MDGA2: variants seen among roughly 807,000 people sequenced by gnomAD.
MDGA2 encodes the protein MAM domain-containing glycosylphosphatidylinositol anchor protein 2.
In MDGA2, 40 loss-of-function variants were observed where a neutral mutation model predicts 117.8. That is an observed-to-expected ratio of 0.34 (90% CI 0.26 to 0.44). MDGA2 has a LOEUF of 0.44. Ranked by LOEUF, MDGA2 falls within the 20% of genes least tolerant of loss-of-function variation. The pLI is 1.00. For synonymous variants in MDGA2, 452 were observed against 439.0 expected (o/e 1.03, Z -0.37); for missense variants, 1,123 against 1,250.6 (o/e 0.90, Z 1.54).
At chr14:47,531,223 C>T (rs1487611083) in intron 1 of MDGA2, among the ~76,000 whole-genome samples, 8 of 152,046 alleles carry the variant, frequency 5.3e-5, no homozygotes, top group East Asian at 1.9e-4. Context: ...CCAGCCTGGG[C>T]GACAGAGCGA....
intron 3 of MDGA2, among the ~76,000 whole-genome samples, chr14:47,216,343 G>T (rs917803759): frequency 1.3e-5 from 2 of 152,034 alleles, no homozygotes; most frequent in South Asian, 4.1e-4. Flanking sequence ...GAAATTTTCA[G>T]ATTTTAGAAA....
At chr14:47,024,477 T>C (rs1410299015) in intron 8 of MDGA2, among the ~76,000 whole-genome samples, 2 of 152,196 alleles carry the variant, frequency 1.3e-5, no homozygotes, top group African/African-American at 2.4e-5. Flanking sequence ...TAAGAATGAA[T>C]ACTTCCTGTT....
At chr14:47,647,315 C>G (rs1259139676) in intron 1 of MDGA2, among the ~76,000 whole-genome samples, 5 of 152,010 alleles carry the variant, frequency 3.3e-5, no homozygotes, top group Non-Finnish European at 7.4e-5. Flanking sequence ...CACACATGGC[C>G]TATTTCAAAT....
chr14:47,237,905 C>G (rs1389257451), intron 2 of MDGA2, among the ~76,000 whole-genome samples: 1 of 152,160 alleles, frequency 6.6e-6, no homozygotes, highest in African/African-American at 2.4e-5. Flanking sequence ...CCTGTTAAAA[C>G]ACAAGTCACA....
At chr14:47,061,693 T>C (rs776344052) in intron 6 of MDGA2, 115 bp from the exon 7 acceptor site, 4 of 849,148 alleles carry the variant, frequency 4.7e-6, no homozygotes, top group Admixed American at 3.1e-5. Flanking sequence ...AAAGTGTACA[T>C]ATATTTCTTT....
intron 8 of MDGA2, among the ~76,000 whole-genome samples, chr14:46,965,899 C>T (rs2138303127): frequency 6.6e-6 from 1 of 152,170 alleles, no homozygotes; most frequent in African/African-American, 2.4e-5. Context: ...TGAGAAAAAT[C>T]TACTTAGCAT....
intron 1 of MDGA2, among the ~76,000 whole-genome samples, chr14:47,320,495 G>T (rs1037318106): frequency 1.3e-5 from 2 of 152,070 alleles, no homozygotes; most frequent in African/African-American, 4.8e-5. Context: ...GATAGCATCC[G>T]ATACATCTAC....
At chr14:47,355,422 T>C (rs1890972155) in intron 1 of MDGA2, among the ~76,000 whole-genome samples, 2 of 152,112 alleles carry the variant, frequency 1.3e-5, no homozygotes, top group Admixed American at 1.3e-4. Context: ...GGAACCATGG[T>C]GGAATATCAG....
At chr14:47,516,675 T>C (rs1239440135) in intron 1 of MDGA2, among the ~76,000 whole-genome samples, 2 of 152,178 alleles carry the variant, frequency 1.3e-5, no homozygotes, top group African/African-American at 2.4e-5. Flanking sequence ...GACCTGGACA[T>C]TGTCCCTGTT....
intron 1 of MDGA2, among the ~76,000 whole-genome samples, chr14:47,482,033 G>T (rs1893964716): frequency 6.6e-6 from 1 of 151,988 alleles, no homozygotes; most frequent in African/African-American, 2.4e-5. Context: ...GTAAGATATT[G>T]TAAATAATCA....
At chr14:46,842,377 G>T (rs1422014002) in intron 16 of MDGA2, among the ~76,000 whole-genome samples, 2 of 152,002 alleles carry the variant, frequency 1.3e-5, no homozygotes, top group Non-Finnish European at 2.9e-5. Context: ...TCAAAAAGTA[G>T]ATTTTTTTTC....
rs1369105386 is a variant in MDGA2, at chr14:47,674,913, G to A, written c.-117C>T. 3 of 530,302 alleles carry A rather than the reference G, an allele frequency of 5.7e-6. No homozygotes were observed. The highest frequency in any genetic ancestry group is 4.2e-5 in the Admixed American group (1 of 23,964). The allele number at this position is 530,302 out of a possible 1,614,324, so 32.8% of individuals were successfully genotyped here. A position where few individuals can be genotyped will look rare whatever the true frequency, so the allele number is the denominator to read the frequency against. On this transcript the variant is annotated 5_prime_UTR_variant, in exon 1 of 17. Coordinates refer to ENST00000399232, the MANE Select transcript of MDGA2 (RefSeq NM_001113498.3). Reference sequence around the variant, plus strand: ...TGGGAAAATCGCAGACGCCGGGGAGGAGCAGGGGGCGGTGATGGGAAGGGG... The same window carrying A: ...TGGGAAAATCGCAGACGCCGGGGAGAAGCAGGGGGCGGTGATGGGAAGGGG...
At chr14:47,309,408 G>T (rs1158478241) in intron 1 of MDGA2, among the ~76,000 whole-genome samples, 1 of 152,076 alleles carries the variant, frequency 6.6e-6, no homozygotes, top group Non-Finnish European at 1.5e-5. Flanking sequence ...AGTGAAAGTA[G>T]TAAGATCCTA....
At chr14:47,399,506 A>G (rs1019315643) in intron 1 of MDGA2, among the ~76,000 whole-genome samples, 3 of 152,196 alleles carry the variant, frequency 2.0e-5, no homozygotes, top group African/African-American at 7.2e-5. Flanking sequence ...ATTTATTTCA[A>G]TCTCTTCGGG....
At chr14:47,348,410 C>T (rs867212842) in intron 1 of MDGA2, among the ~76,000 whole-genome samples, 65 of 152,066 alleles carry the variant, frequency 4.3e-4, no homozygotes, top group Middle Eastern at 3.4e-3. Context: ...TGGGATTTCA[C>T]CATGTTGGCC....
At chr14:46,875,976 A>G (rs567843131) in intron 12 of MDGA2, among the ~76,000 whole-genome samples, 2 of 151,762 alleles carry the variant, frequency 1.3e-5, no homozygotes, top group East Asian at 1.9e-4. Context: ...TTAAAAATCT[A>G]TACAATAATT....
chr14:46,992,894 G>A (rs962556195), intron 8 of MDGA2, among the ~76,000 whole-genome samples: 2 of 152,068 alleles, frequency 1.3e-5, no homozygotes, highest in Non-Finnish European at 2.9e-5. Flanking sequence ...AATATGCCTC[G>A]ACTAAACCTA....
chr14:46,948,198 T>C (rs192384292), intron 9 of MDGA2, among the ~76,000 whole-genome samples: 1 of 152,230 alleles, frequency 6.6e-6, no homozygotes, highest in East Asian at 1.9e-4. Context: ...TTTAAAAATC[T>C]TATTTTCTGA....
intron 1 of MDGA2, among the ~76,000 whole-genome samples, chr14:47,516,427 C>T (rs1220102140): frequency 1.3e-5 from 2 of 152,090 alleles, no homozygotes; most frequent in Admixed American, 6.6e-5. Flanking sequence ...GCGTGTGGAG[C>T]CTTAGATTCA....
Sources: gnomAD v4.1 joint callset for allele counts (sites outside exome capture counted in the v4.1 genomes callset) on GRCh38, gnomAD v4.1.1 for gene constraint, MANE v1.5 for transcripts, NCBI Gene and HGNC (gene_info 2026-07-23, HGNC 2026-07-21) for gene names.